The following RSPO2 variants were observed in gnomAD, a reference collection of about 807,000 sequenced individuals.
The protein encoded by RSPO2 is R-spondin 2.
A neutral mutation model predicts 30.9 loss-of-function variants in RSPO2; 14 were observed. That is an observed-to-expected ratio of 0.45 (90% CI 0.30 to 0.71). The LOEUF is 0.71. Ranked by LOEUF, RSPO2 falls within the 30% of genes least tolerant of loss-of-function variation. The probability of loss-of-function intolerance (pLI) is 0.08; values close to 1 mark genes in which losing one functional copy is unlikely to be tolerated. For missense variants in RSPO2, 264 were observed against 301.9 expected (o/e 0.87, Z 0.93); for synonymous variants, 107 against 96.4 (o/e 1.11, Z -0.64).
chr8:107,918,238 C>A (rs1812039399), intron 5 of RSPO2, among the ~76,000 whole-genome samples: 1 of 152,068 alleles, frequency 6.6e-6, no homozygotes, highest in Non-Finnish European at 1.5e-5. Context: ...CTCCTATGAA[C>A]AAAATTTTGA....
rs139616399 is a variant in RSPO2, at chr8:108,056,512, AC to A, written c.94+26032del. On this transcript the variant is annotated intron_variant, in intron 2 of 5. Coordinates refer to ENST00000276659, the MANE Select transcript of RSPO2 (RefSeq NM_178565.5). ...GTGGTACACATCTGTGGTCCCGGCT[AC>A]TTGGGAGGCTGAGGTGAGAGGATCA... Among the ~76,000 whole-genome samples, 1,455 of 151,004 alleles carry A rather than the reference AC, an allele frequency of 9.6e-3. 27 individuals carry two copies. Among genetic ancestry groups the A allele is most frequent in the African/African-American group, 0.034 (1,397 of 41,074 alleles).
At chr8:108,071,203 T>C (rs1045694164) in intron 2 of RSPO2, among the ~76,000 whole-genome samples, 1 of 152,234 alleles carries the variant, frequency 6.6e-6, no homozygotes, top group East Asian at 1.9e-4. Flanking sequence ...ACTAAACTTA[T>C]GATTTGGGGA....
chr8:107,983,094 G>C, intron 3 of RSPO2: 1 of 1,378,456 alleles, frequency 7.3e-7, no homozygotes, highest in Non-Finnish European at 9.9e-7. Context: ...CCCTTCCTAA[G>C]GCCGCCGCTT....
intron 2 of RSPO2, among the ~76,000 whole-genome samples, chr8:108,070,441 C>T (rs1812809411): frequency 6.6e-6 from 1 of 151,668 alleles, no homozygotes; most frequent in African/African-American, 2.4e-5. Flanking sequence ...TACAGGTGCC[C>T]GCCACCGCGC....
intron 2 of RSPO2, among the ~76,000 whole-genome samples, chr8:108,076,208 C>A (rs1487165746): frequency 1.3e-5 from 2 of 152,156 alleles, no homozygotes; most frequent in Non-Finnish European, 2.9e-5. Flanking sequence ...ATAGCTTAAG[C>A]CAAGTGTGCT....
intron 2 of RSPO2, among the ~76,000 whole-genome samples, chr8:108,012,084 T>C (rs1403223876): frequency 1.3e-5 from 2 of 152,204 alleles, no homozygotes; most frequent in African/African-American, 2.4e-5. Flanking sequence ...GAATTCAACA[T>C]CCAAATAACT....
At chr8:108,027,971 A>C (rs1277140375) in intron 2 of RSPO2, among the ~76,000 whole-genome samples, 7 of 152,140 alleles carry the variant, frequency 4.6e-5, no homozygotes, top group Admixed American at 4.6e-4. Context: ...CATATCAAGA[A>C]GTTCAGGGTG....
At chr8:107,995,493 G>A (rs1814988173) in intron 2 of RSPO2, among the ~76,000 whole-genome samples, 1 of 152,074 alleles carries the variant, frequency 6.6e-6, no homozygotes, top group Non-Finnish European at 1.5e-5. Context: ...CCATAACAAT[G>A]AACCAAACCA....
rs601558 is a variant in RSPO2, at chr8:107,958,139, A to T, written c.557T>A (p.Leu186Gln). 4 of 1,613,394 alleles carry T rather than the reference A, an allele frequency of 2.5e-6. No individual in the cohort carries two copies. The African/African-American group carries it at 5.3e-5, about 22-fold the overall frequency. Reference sequence around the variant, plus strand: ...CCTGGATTCAGCAATGGTTGGACACAGTATTGTGTCTTTCACTGGCTTTTT... The same window carrying T: ...CCTGGATTCAGCAATGGTTGGACACTGTATTGTGTCTTTCACTGGCTTTTT... ...IVKKPVKDTI[L>Q]CPTIAESRRC... Residue 186 changes from leucine (L) to glutamine (Q), a missense_variant, in exon 5 of 6, where the codon CTG (leucine) becomes CAG (glutamine). Leu to Gln is a moderately radical substitution (Grantham distance 113, BLOSUM62 -2). Transcript: ENST00000276659.
chr8:107,977,387 G>A lies in RSPO2; in HGVS notation c.283+11669C>T, dbSNP rs112777372. Among the ~76,000 whole-genome samples the A allele has an allele frequency of 2.2e-4, 33 of 152,238 alleles. 1 individual carries two copies. The highest frequency in any genetic ancestry group is 7.9e-4 in the African/African-American group (33 of 41,546). The stretch of plus-strand genomic sequence containing the variant: ...GATCTACTGAATCAGAAACTCTGGC[G>A]GTGCAATCTTGCAATCTGTGTTTTA... On this transcript the variant is annotated intron_variant, in intron 3 of 5. Coordinates refer to ENST00000276659, the MANE Select transcript of RSPO2 (RefSeq NM_178565.5).
At chr8:107,995,621 C>T (rs1304456523) in intron 2 of RSPO2, among the ~76,000 whole-genome samples, 1 of 152,090 alleles carries the variant, frequency 6.6e-6, no homozygotes, top group Non-Finnish European at 1.5e-5. Context: ...GTTTTCTCAT[C>T]CCTCATTCAA....
At chr8:108,022,595 A>C (rs1811089728) in intron 2 of RSPO2, among the ~76,000 whole-genome samples, 1 of 152,160 alleles carries the variant, frequency 6.6e-6, no homozygotes, top group Admixed American at 6.6e-5. Flanking sequence ...ATATCAAAAC[A>C]TGTTGAACAT....
At chr8:107,978,256 G>A (rs974187277) in intron 3 of RSPO2, among the ~76,000 whole-genome samples, 13 of 151,944 alleles carry the variant, frequency 8.6e-5, no homozygotes, top group Non-Finnish European at 1.3e-4. Flanking sequence ...GGTGAAAACC[G>A]TCTCTAATAA....
intron 5 of RSPO2, among the ~76,000 whole-genome samples, chr8:107,956,640 G>A (rs1273701934): frequency 6.6e-6 from 1 of 152,166 alleles, no homozygotes; most frequent in Non-Finnish European, 1.5e-5. Context: ...ACATGAGCAT[G>A]TTTGTTATAG....
chr8:107,918,619 T>A (rs2130300485), intron 5 of RSPO2, among the ~76,000 whole-genome samples: 1 of 152,286 alleles, frequency 6.6e-6, no homozygotes, highest in Non-Finnish European at 1.5e-5. Context: ...CTCCTAAGTA[T>A]TCGAGGATAC....
intron 3 of RSPO2, among the ~76,000 whole-genome samples, chr8:107,978,589 C>A (rs894256971): frequency 1.3e-5 from 2 of 152,116 alleles, no homozygotes; most frequent in Non-Finnish European, 2.9e-5. Context: ...AGAAGAAAAC[C>A]TAGGCAATAC....
intron 2 of RSPO2, among the ~76,000 whole-genome samples, chr8:108,047,330 G>A (rs2130670466): frequency 6.6e-6 from 1 of 152,326 alleles, no homozygotes; most frequent in African/African-American, 2.4e-5. Context: ...GCCATGCCTA[G>A]TATATGCAAG....
intron 5 of RSPO2, among the ~76,000 whole-genome samples, chr8:107,934,069 A>G (rs187365566): frequency 1.5e-3 from 229 of 152,338 alleles, no homozygotes; most frequent in Middle Eastern, 3.4e-3. Flanking sequence ...AATATGACTG[A>G]AAACAGATCA....
chr8:108,009,778 G>A (rs1286637751), intron 2 of RSPO2, among the ~76,000 whole-genome samples: 5 of 152,016 alleles, frequency 3.3e-5, no homozygotes, highest in African/African-American at 9.7e-5. Flanking sequence ...GGCTGGTTGC[G>A]GTGGCTCACA....
Sources: gnomAD v4.1 joint callset for allele counts (sites outside exome capture counted in the v4.1 genomes callset) on GRCh38, gnomAD v4.1.1 for gene constraint, MANE v1.5 for transcripts, NCBI Gene and HGNC (gene_info 2026-07-23, HGNC 2026-07-21) for gene names.